The following NEURL3 variants were observed in gnomAD, a reference collection of about 807,000 sequenced individuals.
NEURL3 encodes the protein E3 ubiquitin-protein ligase NEURL3.
NEURL3 carries 19 observed loss-of-function variants against 17.6 expected under a neutral mutation model. That is an observed-to-expected ratio of 1.08 (90% CI 0.75 to 1.58). NEURL3 has a LOEUF of 1.58. NEURL3 is among the 40% of genes most tolerant of loss of function. The probability of loss-of-function intolerance (pLI) is 0.00; values close to 1 mark genes in which losing one functional copy is unlikely to be tolerated. For synonymous variants in NEURL3, 180 were observed against 161.4 expected, an observed-to-expected ratio of 1.11 and a Z score of -0.87; for missense variants, 342 against 379.6, an observed-to-expected ratio of 0.90 and a Z score of 0.82.
At chr2:96,501,744 G>C (rs1222761237) in intron 1 of NEURL3, among the ~76,000 whole-genome samples, 1 of 152,146 alleles carries the variant, frequency 6.6e-6, no homozygotes, top group African/African-American at 2.4e-5. Context: ...CAGCCTGCAG[G>C]AAGCTGGTGG....
At chr2:96,505,580 A>G (rs1330531452), upstream of NEURL3, among the ~76,000 whole-genome samples, 1 of 152,140 alleles carries the variant, frequency 6.6e-6, no homozygotes, top group Non-Finnish European at 1.5e-5. Flanking sequence ...CTCACTTCTG[A>G]CCAATCTCAA....
chr2:96,506,641 G>A (rs1186501547), upstream of NEURL3, among the ~76,000 whole-genome samples: 1 of 152,276 alleles, frequency 6.6e-6, no homozygotes, highest in Non-Finnish European at 1.5e-5. Flanking sequence ...CTAAGGGATG[G>A]CTAGTGCCAG....
At chr2:96,504,865 G>A (rs1459891944) in intron 1 of NEURL3, among the ~76,000 whole-genome samples, 2 of 65,088 alleles carry the variant, frequency 3.1e-5, no homozygotes, top group Non-Finnish European at 6.7e-5. Context: ...GCAACAGAGC[G>A]AGACTCCGTC....
rs760804290 is a variant in NEURL3, at chr2:96,498,595, G to GA, written c.587-150dup. ...GGAAATGCTTACAGTGTAATCAAGT[G>GA]AAAAAAAGGGGGAAGAAAACCATTT... On this transcript the variant is annotated intron_variant, in intron 3 of 3. Coordinates refer to ENST00000451794, the MANE Select transcript of NEURL3 (RefSeq NM_001285485.2). This position sits in a 1 kb window ranked among gnomAD's most constrained non-coding sequence, Gnocchi z 4.4. 552 of 759,942 alleles carry GA rather than the reference G, an allele frequency of 7.3e-4. No individual in the cohort carries two copies. Among genetic ancestry groups the GA allele is most frequent in the Non-Finnish European group, 8.7e-4 (429 of 490,972 alleles). The allele number at this position is 759,942 out of a possible 1,614,324, so 47.1% of individuals were successfully genotyped here.
rs2065460056 is a variant in NEURL3, at chr2:96,498,004, C to T, written c.*240G>A. 1.9e-6 allele frequency: 1 copy of T among 523,032 alleles called. No individual in the cohort carries two copies. Among genetic ancestry groups the T allele is most frequent in the South Asian group, 2.6e-5 (1 of 38,260 alleles). The allele number at this position is 523,032 out of a possible 1,614,324, so 32.4% of individuals were successfully genotyped here. On this transcript the variant is annotated 3_prime_UTR_variant, in exon 4 of 4. Transcript: ENST00000451794. This position sits in a 1 kb window ranked among gnomAD's most constrained non-coding sequence, Gnocchi z 4.4. ...GGCCACCCCATCTCTAAACAAAGCA[C>T]CCCATCAGAAGGATAGTTCTGGCAT...
At position 96,498,020 on chromosome 2, in the gene NEURL3, G is replaced by A; in HGVS notation, c.*224C>T. 1 of 564,084 alleles carries A rather than the reference G, an allele frequency of 1.8e-6. No homozygotes were observed. Among genetic ancestry groups the A allele is most frequent in the Non-Finnish European group, 3.1e-6 (1 of 318,834 alleles). The allele number at this position is 564,084 out of a possible 1,614,324, so 34.9% of individuals were successfully genotyped here. A position where few individuals can be genotyped will look rare whatever the true frequency, so the allele number is the denominator to read the frequency against. ...AACAAAGCACCCCATCAGAAGGATAGTTCTGGCATGGACAGAAAGAGGGGT... is the reference window on the plus strand; with the variant it reads ...AACAAAGCACCCCATCAGAAGGATAATTCTGGCATGGACAGAAAGAGGGGT... On this transcript the variant is annotated 3_prime_UTR_variant, in exon 4 of 4. Transcript: ENST00000451794. This position sits in a 1 kb window ranked among gnomAD's most constrained non-coding sequence, Gnocchi z 4.4.
intron 2 of NEURL3, 38 bp from the exon 3 acceptor site, chr2:96,499,487 G>A: frequency 1.9e-6 from 3 of 1,576,056 alleles, no homozygotes; most frequent in East Asian, 4.5e-5. Context: ...AGGACGGCAA[G>A]CCCAGGTGCC....
chr2:96,506,486 G>C (rs945133427), upstream of NEURL3, among the ~76,000 whole-genome samples: 1 of 152,260 alleles, frequency 6.6e-6, no homozygotes, highest in African/African-American at 2.4e-5. Context: ...TTACAGGCAT[G>C]AGCCACCGCA....
At chr2:96,500,971 C>A in intron 1 of NEURL3, 47 bp from the exon 2 acceptor site, 1 of 1,465,984 alleles carries the variant, frequency 6.8e-7, no homozygotes, top group East Asian at 2.5e-5. Flanking sequence ...GGTCTGGACC[C>A]ACCAGCTCCC....
intron 1 of NEURL3, 57 bp downstream of exon 1, chr2:96,505,202 G>C: frequency 6.3e-7 from 1 of 1,589,538 alleles, no homozygotes; most frequent in Non-Finnish European, 8.5e-7. Flanking sequence ...AGCACCCTCT[G>C]CTACCTGTAC....
At chr2:96,508,093 G>A (rs940400993), upstream of NEURL3, 2 of 152,326 alleles carry the variant, frequency 1.3e-5, no homozygotes, top group Non-Finnish European at 2.9e-5. Context: ...ACTTGCTGCT[G>A]AGTGTCAGGT....
rs1237177052 is a variant in NEURL3, at chr2:96,499,397, C to G, written c.567G>C (p.Lys189Asn). Residue 189 changes from lysine to asparagine, a missense_variant, in exon 3 of 4, where the codon AAG (lysine) becomes AAC (asparagine). Physicochemically the swap from Lys to Asn is moderately conservative, Grantham distance 94. Coordinates refer to ENST00000451794, the MANE Select transcript of NEURL3 (RefSeq NM_001285485.2). The part of the protein sequence containing the change: ...PTPMPWDLSN[K>N]AVPEPKATPG... ...ACTCACCTTTGGGCTCAGGCACAGC[C>G]TTGTTGCTGAGGTCCCATGGCATGG... The G allele has an allele frequency of 3.1e-6, 5 of 1,599,420 alleles. No homozygotes were observed. In the African/African-American group the frequency reaches 6.7e-5, roughly 21 times the overall value.
rs1014375293 is a variant in NEURL3 at position 96,498,106 on chromosome 2, C to T, written c.*138G>A. The T allele has an allele frequency of 2.1e-5, 19 of 890,290 alleles. 1 individual carries two copies. Among genetic ancestry groups the T allele is most frequent in the Admixed American group, 1.5e-4 (5 of 33,650 alleles). 55.1% of individuals were successfully genotyped at this position (890,290 alleles called of 1,614,324 possible). On this transcript the variant is annotated 3_prime_UTR_variant, in exon 4 of 4. Transcript: ENST00000451794. This position sits in a 1 kb window ranked among gnomAD's most constrained non-coding sequence, Gnocchi z 4.4. ...CAGCAGACAGCACCTCCCTGCCTTC[C>T]TCTCTCTGCCGCACCTCTTGCTAAT... is the stretch of plus-strand genomic sequence containing the variant.
At chr2:96,506,269 G>A (rs1332962293), upstream of NEURL3, among the ~76,000 whole-genome samples, 2 of 152,108 alleles carry the variant, frequency 1.3e-5, no homozygotes, top group African/African-American at 4.8e-5. Flanking sequence ...GCAGTGGTGT[G>A]ATCATGGCTC....
chr2:96,499,011 C>G (rs770767692), intron 3 of NEURL3, among the ~76,000 whole-genome samples: 1 of 152,170 alleles, frequency 6.6e-6, no homozygotes, highest in Non-Finnish European at 1.5e-5. Context: ...CTCCTGGGCC[C>G]AAGCGATCCT....
chr2:96,499,565 G>A, intron 2 of NEURL3, 116 bp from the exon 3 acceptor site: 2 of 886,608 alleles, frequency 2.3e-6, no homozygotes, highest in East Asian at 2.6e-5. Flanking sequence ...TTGCAATGCT[G>A]AGCCCCCATC....
Position 96,500,652 on chromosome 2 carries a change from G to A in NEURL3, c.301C>T (p.Leu101=). ...PSLPPFLCPD[L]EEQSPTWAAV... is the part of the protein sequence containing the mutation. ...GCCCACGTCGGGCTCTGCTCCTCCA[G>A]GTCGGGGCACAGGAAGGGCGGCAGG... The change falls in exon 2 of 4, where the codon CTG becomes TTG. Residue 101 remains leucine, a synonymous_variant. Coordinates refer to ENST00000451794, the MANE Select transcript of NEURL3 (RefSeq NM_001285485.2). 2.6e-6 allele frequency: 4 copies of A among 1,519,640 alleles called. No individual in the cohort carries two copies. Among genetic ancestry groups the A allele is most frequent in the Non-Finnish European group, 3.5e-6 (4 of 1,140,618 alleles). The allele number at this position is 1,519,640 out of a possible 1,614,324, so 94.1% of individuals were successfully genotyped here. A position where few individuals can be genotyped will look rare whatever the true frequency, so the allele number is the denominator to read the frequency against.
chr2:96,500,646 C>T lies in NEURL3; in HGVS notation c.307G>A (p.Glu103Lys). Residue 103 changes from glutamate to lysine, a missense_variant, in exon 2 of 4, where the codon GAG (glutamate) becomes AAG (lysine). Physicochemically the swap from Glu to Lys is moderately conservative, Grantham distance 56. Transcript: ENST00000451794. ...LPPFLCPDLEEQSPTWAAVLP... is the reference protein window; with the variant it reads ...LPPFLCPDLEKQSPTWAAVLP... ...ACGGCCGCCCACGTCGGGCTCTGCT[C>T]CTCCAGGTCGGGGCACAGGAAGGGC... 1 of 1,519,210 alleles carries T rather than the reference C, an allele frequency of 6.6e-7. No individual in the cohort carries two copies. The highest frequency in any genetic ancestry group is 8.8e-7 in the Non-Finnish European group (1 of 1,140,344). 94.1% of individuals were successfully genotyped at this position (1,519,210 alleles called of 1,614,324 possible). A position where few individuals can be genotyped will look rare whatever the true frequency, so the allele number is the denominator to read the frequency against.
upstream of NEURL3, chr2:96,505,506 C>T (rs893110398): frequency 3.5e-5 from 21 of 599,478 alleles, no homozygotes; most frequent in East Asian, 2.9e-4. Context: ...TGGAGCTGGC[C>T]GGCCTAAGAG....
Sources: gnomAD v4.1 joint callset for allele counts (sites outside exome capture counted in the v4.1 genomes callset) on GRCh38, gnomAD v4.1.1 for gene constraint, Gnocchi (gnomAD v3.1) non-coding constraint, MANE v1.5 for transcripts, NCBI Gene and HGNC (gene_info 2026-07-23, HGNC 2026-07-21) for gene names.